The following DNAJB6 variants were observed in gnomAD, a reference collection of about 807,000 sequenced individuals.
The protein encoded by DNAJB6 is DnaJ heat shock protein family (Hsp40) member B6, also known as dnaJ homolog subfamily B member 6.
A neutral mutation model predicts 42.7 loss-of-function variants in DNAJB6; 16 were observed. That is an observed-to-expected ratio of 0.37 (90% CI 0.25 to 0.57). The LOEUF is 0.57. Among genes scored for constraint, DNAJB6 ranks in the 20% least tolerant of loss-of-function variants. The pLI, the probability that DNAJB6 is intolerant of heterozygous loss-of-function variation, is 0.74. For synonymous variants in DNAJB6, 170 were observed against 163.5 expected, an observed-to-expected ratio of 1.04 and a Z score of -0.30; for missense variants, 347 against 416.8, an observed-to-expected ratio of 0.83 and a Z score of 1.46.
At position 157,416,077 on chromosome 7, in the gene DNAJB6, G is replaced by T. The variant is rs1275795090; in HGVS notation, c.960G>T (p.Lys320Asn). The change falls in exon 10 of 10, where the codon AAG becomes AAT. Residue 320 changes from lysine to asparagine, a missense_variant. This residue lies in a region of DNAJB6 where 264 missense variants were observed against 288.0 expected (regional missense o/e 0.92). Transcript: ENST00000262177. Reference protein sequence around the residue: ...QKQREESKKKKSTKGNH With the variant: ...QKQREESKKKNSTKGNH ...AGAGAGAGGAGTCGAAGAAGAAGAA[G>T]TCGACCAAAGGCAATCACTAGACCG... is the stretch of plus-strand genomic sequence containing the variant. 6.2e-7 allele frequency: 1 copy of T among 1,613,974 alleles called. No individual in the cohort carries two copies. The highest frequency in any genetic ancestry group is 1.3e-5 in the African/African-American group (1 of 74,936).
At chr7:157,342,612 G>T (rs1054896234) in intron 1 of DNAJB6, among the ~76,000 whole-genome samples, 11 of 152,148 alleles carry the variant, frequency 7.2e-5, no homozygotes, top group Middle Eastern at 3.4e-3. Flanking sequence ...GTGAGCCAGC[G>T]TGCTGGCCTA....
chr7:157,363,964 A>G (rs1171812903), intron 3 of DNAJB6, among the ~76,000 whole-genome samples: 1 of 152,178 alleles, frequency 6.6e-6, no homozygotes, highest in East Asian at 1.9e-4. Context: ...TGTCTGCTGC[A>G]GTGCTGGGTG....
At chr7:157,356,298 C>T (rs1462008191) in intron 1 of DNAJB6, among the ~76,000 whole-genome samples, 7 of 152,260 alleles carry the variant, frequency 4.6e-5, no homozygotes, top group Non-Finnish European at 8.8e-5. Flanking sequence ...CACGTAGTCA[C>T]TCAGCCAAGG....
intron 5 of DNAJB6, chr7:157,369,249 C>T (rs1799993875): frequency 2.2e-6 from 1 of 456,584 alleles, no homozygotes; most frequent in Non-Finnish European, 4.4e-6. Context: ...TCAACCCTCA[C>T]AGGCAAGAAA....
At position 157,385,005 on chromosome 7, in the gene DNAJB6, A is replaced by C; in HGVS notation, c.617A>C (p.Lys206Thr). Reference sequence around the variant, plus strand: ...GTTAATGGCAGAAAAATCACTACAAAGAGGTACTGTGGTATTCTGCATTTT... The same window carrying C: ...GTTAATGGCAGAAAAATCACTACAACGAGGTACTGTGGTATTCTGCATTTT... The part of the protein sequence containing the change: ...KMVNGRKITT[K>T]RIVENGQERV... The change falls in exon 7 of 10, where the codon AAG (lysine) becomes ACG (threonine). Residue 206 changes from lysine (K) to threonine (T), a missense_variant. Lys to Thr is a moderately conservative substitution (Grantham distance 78). Around this residue, in one of 3 missense-constraint regions of DNAJB6, gnomAD observed 264 missense variants for 288.0 expected, o/e 0.92. Coordinates refer to ENST00000262177, the MANE Select transcript of DNAJB6 (RefSeq NM_058246.4). 1 of 1,614,032 alleles carries C rather than the reference A, an allele frequency of 6.2e-7. No homozygotes were observed. Among genetic ancestry groups the C allele is most frequent in the Admixed American group, 1.7e-5 (1 of 60,018 alleles).
intron 8 of DNAJB6, among the ~76,000 whole-genome samples, chr7:157,396,149 A>G (rs901834264): frequency 6.2e-5 from 9 of 144,538 alleles, no homozygotes; most frequent in African/African-American, 1.5e-4. Flanking sequence ...GAGTTTCACT[A>G]TGTTGCCCAG....
intron 8 of DNAJB6, among the ~76,000 whole-genome samples, chr7:157,387,451 A>G (rs771362713): frequency 2.0e-5 from 3 of 152,236 alleles, no homozygotes; most frequent in African/African-American, 4.8e-5. Context: ...TTATGCCATC[A>G]GGACGGGTGG....
intron 1 of DNAJB6, 138 bp from the exon 2 acceptor site, chr7:157,358,409 G>A (rs1272743689): frequency 3.3e-6 from 2 of 612,034 alleles, no homozygotes; most frequent in Admixed American, 2.9e-5. Context: ...CTAGTGGTTA[G>A]CTCTAGTGGA....
intron 9 of DNAJB6, chr7:157,411,462 G>A (rs1379848327): frequency 6.6e-6 from 1 of 151,736 alleles, no homozygotes; most frequent in Non-Finnish European, 1.5e-5. Context: ...CACTGAGCGG[G>A]CGTTGGGGAG....
chr7:157,340,308 G>T (rs1383673900), intron 1 of DNAJB6, among the ~76,000 whole-genome samples: 3 of 152,186 alleles, frequency 2.0e-5, no homozygotes, highest in Admixed American at 1.3e-4. Context: ...GTGGTGAGAG[G>T]CGGGTAACTG....
chr7:157,404,512 TTTTC>T (rs1298254083), intron 8 of DNAJB6, among the ~76,000 whole-genome samples: 10 of 139,258 alleles, frequency 7.2e-5, no homozygotes, highest in African/African-American at 3.2e-4. Context: ...GTCTTTTTTC[TTTTC>T]TTTTTTTTTT....
Position 157,373,562 on chromosome 7 carries a change from G to T in DNAJB6, c.346+6079G>T, listed in dbSNP as rs1584915066. Among the ~76,000 whole-genome samples the T allele has an allele frequency of 2.0e-5, 3 of 152,330 alleles. No individual in the cohort carries two copies. In the South Asian group the frequency reaches 6.2e-4, roughly 32 times the overall value. On this transcript the variant is annotated intron_variant, in intron 5 of 9. Transcript: ENST00000262177. ...GACGGAGTTTCACCATGTTGGCCAGGCTAGTCTCGAACTTCTGACCTCAGG... is the reference window on the plus strand; with the variant it reads ...GACGGAGTTTCACCATGTTGGCCAGTCTAGTCTCGAACTTCTGACCTCAGG...
Position 157,417,388 on chromosome 7 carries a change from C to A in DNAJB6, c.*1290C>A, listed in dbSNP as rs1796126948. ...GTGGACAATGTAACCCTAAACACAT[C>A]ATGTATTTTAAATGCCACCTACATA... On this transcript the variant is annotated 3_prime_UTR_variant, in exon 10 of 10. Coordinates refer to ENST00000262177, the MANE Select transcript of DNAJB6 (RefSeq NM_058246.4). 6.6e-6 allele frequency: 1 copy of A among 152,192 alleles called. No individual in the cohort carries two copies. The highest frequency in any genetic ancestry group is 6.5e-5 in the Admixed American group (1 of 15,282). The allele number at this position is 152,192 out of a possible 1,614,324, so 9.4% of individuals were successfully genotyped here. A position where few individuals can be genotyped will look rare whatever the true frequency, so the allele number is the denominator to read the frequency against.
In DNAJB6 at chr7:157,382,194, G is replaced by A. The variant is rs573821177; in HGVS notation, c.347-52G>A. 3.9e-6 allele frequency: 6 copies of A among 1,522,154 alleles called. No individual in the cohort carries two copies. The African/African-American group carries it at 5.7e-5, about 14-fold the overall frequency. The allele number at this position is 1,522,154 out of a possible 1,614,324, so 94.3% of individuals were successfully genotyped here. The stretch of plus-strand genomic sequence containing the variant: ...TCTCTTACTGTAGCTATCACATGAG[G>A]AAAAAAACTTGAAAAAAAGACTTCA... On this transcript the variant is annotated intron_variant, in intron 5 of 9. Transcript: ENST00000262177.
At chr7:157,345,203 A>C (rs1361499162) in intron 1 of DNAJB6, among the ~76,000 whole-genome samples, 3 of 152,120 alleles carry the variant, frequency 2.0e-5, no homozygotes, top group Non-Finnish European at 4.4e-5. Flanking sequence ...CATGTTGTCC[A>C]GACTGGTCTT....
chr7:157,410,122 G>A, intron 9 of DNAJB6, 121 bp downstream of exon 9: 8 of 1,413,964 alleles, frequency 5.7e-6, no homozygotes, highest in Non-Finnish European at 7.4e-6. Flanking sequence ...GGCGTGGGCG[G>A]TCGGGCGGGG....
chr7:157,348,877 T>G (rs1311847517), intron 1 of DNAJB6, among the ~76,000 whole-genome samples: 1 of 152,328 alleles, frequency 6.6e-6, no homozygotes, highest in Admixed American at 6.5e-5. Context: ...TTATTTTGCC[T>G]GAGCATACGC....
Position 157,416,246 on chromosome 7 carries a change from T to C in DNAJB6, c.*148T>C. On this transcript the variant is annotated 3_prime_UTR_variant, in exon 10 of 10. Coordinates refer to ENST00000262177, the MANE Select transcript of DNAJB6 (RefSeq NM_058246.4). The stretch of plus-strand genomic sequence containing the variant: ...GCAGGATTATGCGATCACGGATCAG[T>C]CAGAGCAGGGTCAGGAGACGGGGCT... The C allele has an allele frequency of 7.5e-7, 1 of 1,332,340 alleles. No individual in the cohort carries two copies. The allele number at this position is 1,332,340 out of a possible 1,614,324, so 82.5% of individuals were successfully genotyped here.
In DNAJB6 at chr7:157,366,518, C is replaced by G. The variant is rs1799853169; in HGVS notation, c.192C>G (p.Ile64Met). 7 of 1,613,976 alleles carry G rather than the reference C, an allele frequency of 4.3e-6. No individual in the cohort carries two copies. The highest frequency in any genetic ancestry group is 5.9e-6 in the Non-Finnish European group (7 of 1,179,990). Reference sequence around the variant, plus strand: ...AATTTTTAGCTAAGAAACGGGACATCTATGACAAATATGGCAAAGAAGGAT... The same window carrying G: ...AATTTTTAGCTAAGAAACGGGACATGTATGACAAATATGGCAAAGAAGGAT... ...EVLSDAKKRD[I>M]YDKYGKEGLN... The change falls in exon 4 of 10, where the codon ATC (isoleucine) becomes ATG (methionine). Residue 64 changes from isoleucine (I) to methionine (M), a missense_variant. Physicochemically the swap from Ile to Met is conservative, Grantham distance 10 (BLOSUM62 1). Around this residue, in one of 3 missense-constraint regions of DNAJB6, gnomAD observed 78 missense variants for 102.1 expected, o/e 0.76. Coordinates refer to ENST00000262177, the MANE Select transcript of DNAJB6 (RefSeq NM_058246.4).
Sources: gnomAD v4.1 joint callset for allele counts (sites outside exome capture counted in the v4.1 genomes callset) on GRCh38, gnomAD v4.1.1 for gene constraint, gnomAD v4.1.1 regional missense constraint, MANE v1.5 for transcripts, NCBI Gene and HGNC (gene_info 2026-07-23, HGNC 2026-07-21) for gene names.